The following TSC2 variants were observed in gnomAD, a reference collection of about 807,000 sequenced individuals.
TSC2 encodes TSC complex subunit 2.
TSC2 carries 29 observed loss-of-function variants against 202.2 expected under a neutral mutation model. The observed-to-expected ratio is 0.14, with a 90% confidence interval of 0.11 to 0.20. The LOEUF (loss-of-function observed/expected upper bound fraction) is 0.20, where lower values mean the gene tolerates loss of function less well. Ranked by LOEUF, TSC2 falls within the 10% of genes least tolerant of loss-of-function variation. TSC2 has a pLI of 1.00. For missense variants in TSC2, 2,429 were observed against 2,420.0 expected, an observed-to-expected ratio of 1.00 and a Z score of -0.08; for synonymous variants, 1,349 against 1,044.0, an observed-to-expected ratio of 1.29 and a Z score of -5.63.
rs10592762 is a variant in TSC2 at position 2,059,047 on chromosome 16, C to CT, written c.975+188dup. Among the ~76,000 whole-genome samples, 272 of 142,618 alleles carry CT rather than the reference C, an allele frequency of 1.9e-3. 5 individuals carry two copies. The highest frequency in any genetic ancestry group is 2.5e-3 in the Non-Finnish European group (161 of 65,484). The allele number at this position is 142,618 out of a possible 152,430, so 93.6% of individuals were successfully genotyped here. Reference sequence around the variant, plus strand: ...TTTGGGGCCCTTTGTAGGCTTTAGTCTTTTTTTTTTTTTTGAGAAGGAGTT... The same window carrying CT: ...TTTGGGGCCCTTTGTAGGCTTTAGTCTTTTTTTTTTTTTTTGAGAAGGAGTT... On this transcript the variant is annotated intron_variant, in intron 10 of 41. Coordinates refer to ENST00000219476, the MANE Select transcript of TSC2 (RefSeq NM_000548.5).
rs770439945 is a variant in TSC2 at position 2,054,362 on chromosome 16, G to A, written c.403G>A (p.Asp135Asn). The A allele has an allele frequency of 6.2e-7, 1 of 1,614,220 alleles. No individual in the cohort carries two copies. The highest frequency in any genetic ancestry group is 8.5e-7 in the Non-Finnish European group (1 of 1,180,030). The change falls in exon 5 of 42, where the codon GAC (aspartate) becomes AAC (asparagine). Residue 135 changes from aspartate to asparagine, a missense_variant. Asp to Asn is a conservative substitution (Grantham distance 23). Transcript: ENST00000219476. ...KVIKDYPSNE[D>N]LHERLEVFKA... is the part of the protein sequence containing the mutation. ...CATCAAGGATTACCCTTCCAACGAA[G>A]ACCTTCACGAAAGGCTGGAGGTTTT...
In TSC2 at chr16:2,081,709, A is replaced by G. The variant is rs1567510728; in HGVS notation, c.3725A>G (p.Lys1242Arg). ...SNALMAAERF[K>R]EHRDTALYKS... ...GCCCTCATGGCGGCTGAGCGCTTCAAGGAGCACCGGGACACAGCCCTGTAC... is the reference window on the plus strand; with the variant it reads ...GCCCTCATGGCGGCTGAGCGCTTCAGGGAGCACCGGGACACAGCCCTGTAC... The change falls in exon 31 of 42, where the codon AAG (lysine) becomes AGG (arginine). Residue 1242 changes from lysine to arginine, a missense_variant. By Grantham distance (26) the Lys-to-Arg change is conservative. Coordinates refer to ENST00000219476, the MANE Select transcript of TSC2 (RefSeq NM_000548.5). 1.9e-6 allele frequency: 3 copies of G among 1,612,978 alleles called. No homozygotes were observed. Among genetic ancestry groups the G allele is most frequent in the Non-Finnish European group, 2.5e-6 (3 of 1,180,016 alleles).
At chr16:2,059,641 T>C (rs560682648) in intron 10 of TSC2, among the ~76,000 whole-genome samples, 7 of 150,266 alleles carry the variant, frequency 4.7e-5, no homozygotes, top group Admixed American at 4.0e-4. Flanking sequence ...TGCCTCAGCC[T>C]CCTGAGTAGC....
chr16:2,060,942 G>C lies in TSC2; in HGVS notation c.1119+129G>C, dbSNP rs1001221917. 2 of 1,191,768 alleles carry C rather than the reference G, an allele frequency of 1.7e-6. No individual in the cohort carries two copies. Among genetic ancestry groups the C allele is most frequent in the Non-Finnish European group, 2.4e-6 (2 of 844,032 alleles). 73.8% of individuals were successfully genotyped at this position (1,191,768 alleles called of 1,614,324 possible). A position where few individuals can be genotyped will look rare whatever the true frequency, so the allele number is the denominator to read the frequency against. ...GAGACTGCCAGAACCGTGTTCTCTGGTGATTCGCAGTGGCGCTCATCCACC... is the reference window on the plus strand; with the variant it reads ...GAGACTGCCAGAACCGTGTTCTCTGCTGATTCGCAGTGGCGCTCATCCACC... On this transcript the variant is annotated intron_variant, in intron 11 of 41. Coordinates refer to ENST00000219476, the MANE Select transcript of TSC2 (RefSeq NM_000548.5).
chr16:2,072,567 AGAGGTCCC>A, intron 20 of TSC2: 1 of 850,646 alleles, frequency 1.2e-6, no homozygotes, highest in Non-Finnish European at 1.8e-6. Flanking sequence ...GACTGACGTC[AGAGGTCCC>A]CAGCCAAGGG....
At chr16:2,054,489 G>C in intron 5 of TSC2, 49 bp downstream of exon 5, 1 of 1,612,656 alleles carries the variant, frequency 6.2e-7, no homozygotes, top group South Asian at 1.1e-5. Context: ...ACGATCAAGT[G>C]TAACCTGGAT....
intron 38 of TSC2, chr16:2,087,110 G>GGTGT (rs1443670050): frequency 4.9e-6 from 3 of 608,850 alleles, no homozygotes; most frequent in Admixed American, 2.8e-5. Context: ...GTGCAGACTG[G>GGTGT]GTGTGCTGGG....
intron 3 of TSC2, among the ~76,000 whole-genome samples, chr16:2,051,402 G>A (rs533970121): frequency 6.6e-6 from 1 of 152,054 alleles, no homozygotes; most frequent in African/African-American, 2.4e-5. Context: ...TTCAGGCCAA[G>A]AAAAATCAAG....
At position 2,079,349 on chromosome 16, in the gene TSC2, G is replaced by A. The variant is rs2151438862; in HGVS notation, c.3205G>A (p.Val1069Met). 1 of 1,613,016 alleles carries A rather than the reference G, an allele frequency of 6.2e-7. No homozygotes were observed. The highest frequency in any genetic ancestry group is 1.3e-5 in the African/African-American group (1 of 75,062). The change falls in exon 28 of 42, where the codon GTG becomes ATG. Residue 1069 changes from valine (V) to methionine (M), a missense_variant. Val to Met is a conservative substitution (Grantham distance 21). Transcript: ENST00000219476. The surrounding 1 kb of genome is among the most constrained non-coding windows in gnomAD (Gnocchi z 4.6). ...TWLVGNKLVT[V>M]TTSVGTGTRS... is the part of the protein sequence containing the mutation. ...GCTGGTTGGGAACAAGCTTGTCACT[G>A]TGACGACAAGCGTGGGAACCGGGAC...
intron 25 of TSC2, 92 bp downstream of exon 25, chr16:2,076,677 T>A: frequency 7.7e-7 from 1 of 1,299,730 alleles, no homozygotes; most frequent in South Asian, 1.2e-5. Flanking sequence ...AGTCAGTGAG[T>A]GGAAATGGGT....
At chr16:2,056,914 C>A (rs2085921855) in intron 8 of TSC2, 145 bp downstream of exon 8, 5 of 1,470,100 alleles carry the variant, frequency 3.4e-6, no homozygotes, top group Non-Finnish European at 4.7e-6. Flanking sequence ...TTTTCCCAGG[C>A]AGTTGAGCTG....
intron 35 of TSC2, 78 bp from the exon 36 acceptor site, chr16:2,085,152 C>G (rs990072496): frequency 1.9e-6 from 3 of 1,604,610 alleles, no homozygotes; most frequent in Non-Finnish European, 2.6e-6. Flanking sequence ...CCTGTGGCAG[C>G]CTGCCGTGAC....
intron 36 of TSC2, 111 bp downstream of exon 36, chr16:2,085,433 T>C: frequency 2.6e-6 from 3 of 1,167,292 alleles, no homozygotes; most frequent in African/African-American, 1.5e-5. Context: ...CACTGCCGGG[T>C]CCCCTACAGC....
At chr16:2,086,628 G>A (rs1452941483) in intron 37 of TSC2, 104 bp from the exon 38 acceptor site, 101 of 1,553,984 alleles carry the variant, frequency 6.5e-5, no homozygotes, top group Middle Eastern at 2.3e-4. Flanking sequence ...CGTGGTCCCC[G>A]CAGGCCCCCA....
At chr16:2,050,942 G>A (rs2085033982) in intron 3 of TSC2, among the ~76,000 whole-genome samples, 1 of 152,092 alleles carries the variant, frequency 6.6e-6, no homozygotes, top group Admixed American at 6.6e-5. Flanking sequence ...GGAAGCTACT[G>A]GAAATGCCCC....
Position 2,086,427 on chromosome 16 carries a change from C to T in TSC2, c.4849+48C>T, listed in dbSNP as rs376861903. The T allele has an allele frequency of 6.3e-5, 100 of 1,591,996 alleles. No homozygotes were observed. The highest frequency in any genetic ancestry group is 1.6e-4 in the African/African-American group (12 of 74,406). On this transcript the variant is annotated intron_variant, in intron 37 of 41. Transcript: ENST00000219476. ...TCCTGCTGCCCCAGGCCTCAGGGCA[C>T]GGCTCCCATCCAGTCCTGCTACCCC...
In TSC2 at chr16:2,088,274, C is replaced by T. The variant is rs45517410; in HGVS notation, c.5208C>T (p.Tyr1736=). The change falls in exon 41 of 42, where the codon TAC becomes TAT. Residue 1736 remains tyrosine, a synonymous_variant. Coordinates refer to ENST00000219476, the MANE Select transcript of TSC2 (RefSeq NM_000548.5). ...GCCGCTCCAACCCCACCGATATCTA[C>T]CCCTCCAAGTGGATTGCCCGGCTCC... The part of the protein sequence containing the change: ...HHSRSNPTDI[Y]PSKWIARLRH... The T allele has an allele frequency of 1.7e-5, 27 of 1,612,976 alleles. No individual in the cohort carries two copies. The highest frequency in any genetic ancestry group is 1.1e-4 in the East Asian group (5 of 44,902).
At chr16:2,065,257 C>G (rs964841293) in intron 15 of TSC2, 3 of 424,662 alleles carry the variant, frequency 7.1e-6, no homozygotes, top group Admixed American at 7.2e-5. Context: ...ACTAAAAATA[C>G]AAAAAATTAG....
chr16:2,063,203 C>A, intron 14 of TSC2, 150 bp downstream of exon 14: 1 of 941,208 alleles, frequency 1.1e-6, no homozygotes, highest in East Asian at 2.6e-5. Context: ...GGTCTGTTTA[C>A]CCCTGTTCAT....
Sources: gnomAD v4.1 joint callset for allele counts (sites outside exome capture counted in the v4.1 genomes callset) on GRCh38, gnomAD v4.1.1 for gene constraint, Gnocchi (gnomAD v3.1) non-coding constraint, MANE v1.5 for transcripts, NCBI Gene and HGNC (gene_info 2026-07-23, HGNC 2026-07-21) for gene names.